Variants in SURF2 observed in about 807,000 individuals in gnomAD.
SURF2 encodes surfeit 2, also known as surfeit locus protein 2.
A neutral mutation model predicts 26.2 loss-of-function variants in SURF2; 32 were observed. That is an observed-to-expected ratio of 1.22 (90% CI 0.92 to 1.64). SURF2 has a LOEUF of 1.64. Ranked by LOEUF, SURF2 falls within the 40% of genes most tolerant of loss-of-function variation. The pLI is 0.00. For synonymous variants in SURF2, 173 were observed against 139.1 expected (o/e 1.24, Z -1.71); for missense variants, 415 against 341.6 (o/e 1.21, Z -1.69).
intron 2 of SURF2, 125 bp downstream of exon 2, chr9:133,357,193 G>A (rs1353967232): frequency 1.6e-6 from 2 of 1,254,532 alleles, no homozygotes; most frequent in Non-Finnish European, 2.1e-6. Flanking sequence ...GTGGGCGCCC[G>A]GGTGCTGGAA....
intron 1 of SURF2, 50 bp downstream of exon 1, chr9:133,356,720 A>G: frequency 8.7e-7 from 1 of 1,145,458 alleles, no homozygotes; most frequent in African/African-American, 1.6e-5. Flanking sequence ...CGCAGTTGGG[A>G]TGAGGGGCTG....
At chr9:133,357,656 A>G in intron 2 of SURF2, 55 bp from the exon 3 acceptor site, 2 of 1,549,126 alleles carry the variant, frequency 1.3e-6, no homozygotes, top group South Asian at 2.2e-5. Context: ...CACAGCCACC[A>G]GTCTGAATCC....
chr9:133,360,984 G>A lies in SURF2; in HGVS notation c.688-72G>A, dbSNP rs927527683. On this transcript the variant is annotated intron_variant, in intron 5 of 5. Transcript: ENST00000371964. Reference sequence around the variant, plus strand: ...CTCTGAGGCTGTGTGGGTGGGGAGAGCCCTGCACTCCAGGGCCCCTTCTCC... The same window carrying A: ...CTCTGAGGCTGTGTGGGTGGGGAGAACCCTGCACTCCAGGGCCCCTTCTCC... 61 of 1,511,346 alleles carry A rather than the reference G, an allele frequency of 4.0e-5. No individual in the cohort carries two copies. In the Middle Eastern group the frequency reaches 5.1e-4, roughly 13 times the overall value. 93.6% of individuals were successfully genotyped at this position (1,511,346 alleles called of 1,614,324 possible). A position where few individuals can be genotyped will look rare whatever the true frequency, so the allele number is the denominator to read the frequency against.
intron 1 of SURF2, 73 bp downstream of exon 1, chr9:133,356,743 G>A: frequency 6.9e-7 from 1 of 1,442,634 alleles, no homozygotes; most frequent in South Asian, 1.4e-5. Flanking sequence ...GGGAGGGCAG[G>A]GGAGAGGAGA....
At position 133,356,588 on chromosome 9, in the gene SURF2, C is replaced by G. The variant is rs1299337124; in HGVS notation, c.-5C>G. The G allele has an allele frequency of 1.3e-6, 2 of 1,518,572 alleles. No individual in the cohort carries two copies. The highest frequency in any genetic ancestry group is 8.8e-7 in the Non-Finnish European group (1 of 1,140,550). The allele number at this position is 1,518,572 out of a possible 1,614,324, so 94.1% of individuals were successfully genotyped here. ...CCGCCGGGCTGCTCCGCGGGCGCGT[C>G]GGCCATGAGCGAGTTGCCGGGCGAC... On this transcript the variant is annotated 5_prime_UTR_variant, in exon 1 of 6. Transcript: ENST00000371964.
chr9:133,357,451 G>A (rs1219016891), intron 2 of SURF2, among the ~76,000 whole-genome samples: 1 of 152,170 alleles, frequency 6.6e-6, no homozygotes, highest in Non-Finnish European at 1.5e-5. Context: ...TCCAGGTGGA[G>A]CCATCCTCTT....
At chr9:133,358,175 A>T (rs115778290) in intron 3 of SURF2, among the ~76,000 whole-genome samples, 1 of 152,226 alleles carries the variant, frequency 6.6e-6, no homozygotes, top group African/African-American at 2.4e-5. Context: ...GGTCGGGGGA[A>T]CAGCACCCCA....
At position 133,356,991 on chromosome 9, in the gene SURF2, C is replaced by G; in HGVS notation, c.156C>G (p.Tyr52Ter). The G allele has an allele frequency of 1.3e-6, 2 of 1,572,006 alleles. No individual in the cohort carries two copies. Among genetic ancestry groups the G allele is most frequent in the South Asian group, 2.3e-5 (2 of 85,776 alleles). Residue 52 changes from tyrosine (Y) to a stop codon, truncating the protein, a stop_gained, in exon 2 of 6, where the codon TAC (tyrosine) becomes TAG (stop). Coordinates refer to ENST00000371964, the MANE Select transcript of SURF2 (RefSeq NM_017503.5). LOFTEE classifies it high-confidence loss of function. ...ELQVYTRGKK[Y>*]QRLVRASPAF... ...AGGTCTACACCCGCGGCAAAAAGTA[C>G]CAGCGGCTGGTCCGCGCCTCCCCGG... is the stretch of plus-strand genomic sequence containing the variant.
chr9:133,356,755 G>GGCAGGGGAGAGGGGAGAGGGGAGA, intron 1 of SURF2, 85 bp downstream of exon 1: 2 of 1,416,758 alleles, frequency 1.4e-6, no homozygotes, highest in East Asian at 2.7e-5. Context: ...GAGAGGAGAG[G>GGCAGGGGAGAGGGGAGAGGGGAGA]GCAGGGGAGA....
At chr9:133,360,778 C>A (rs2130054289) in intron 5 of SURF2, among the ~76,000 whole-genome samples, 1 of 152,240 alleles carries the variant, frequency 6.6e-6, no homozygotes, top group African/African-American at 2.4e-5. Context: ...GCCATCAGGG[C>A]AGGAGTGGAG....
Position 133,359,517 on chromosome 9 carries a change from C to T in SURF2, c.338-433C>T, listed in dbSNP as rs2130042497. ...GCAAAGGCCAGGCAGCCAACCTCCA[C>T]TGAGCCCCGCCCTCCGGGACGGGGT... On this transcript the variant is annotated intron_variant, in intron 3 of 5. Coordinates refer to ENST00000371964, the MANE Select transcript of SURF2 (RefSeq NM_017503.5). Among the ~76,000 whole-genome samples, 94 of 152,372 alleles carry T rather than the reference C, an allele frequency of 6.2e-4. 1 individual carries two copies. In the East Asian group the frequency reaches 0.015, roughly 25 times the overall value.
At chr9:133,358,187 G>C (rs2130038880) in intron 3 of SURF2, among the ~76,000 whole-genome samples, 1 of 152,278 alleles carries the variant, frequency 6.6e-6, no homozygotes, top group South Asian at 2.1e-4. Flanking sequence ...AGCACCCCAG[G>C]GAGAAGCCAG....
In SURF2 at chr9:133,356,578, G is replaced by C; in HGVS notation, c.-15G>C. 6.6e-7 allele frequency: 1 copy of C among 1,516,184 alleles called. No homozygotes were observed. Among genetic ancestry groups the C allele is most frequent in the Admixed American group, 2.0e-5 (1 of 49,572 alleles). The allele number at this position is 1,516,184 out of a possible 1,614,324, so 93.9% of individuals were successfully genotyped here. ...CGAGCGGCTTCCGCCGGGCTGCTCC[G>C]CGGGCGCGTCGGCCATGAGCGAGTT... is the stretch of plus-strand genomic sequence containing the variant. On this transcript the variant is annotated 5_prime_UTR_variant, in exon 1 of 6. Coordinates refer to ENST00000371964, the MANE Select transcript of SURF2 (RefSeq NM_017503.5).
At position 133,359,931 on chromosome 9, in the gene SURF2, G is replaced by T; in HGVS notation, c.338-19G>T. 2 of 1,595,538 alleles carry T rather than the reference G, an allele frequency of 1.3e-6. No individual in the cohort carries two copies. Among genetic ancestry groups the T allele is most frequent in the Non-Finnish European group, 1.7e-6 (2 of 1,169,532 alleles). ...TGGGGGGTGTGGAGGTACCCAGCAC[G>T]TGCTGGCTTATCTCCCAGATGAAGA... On this transcript the variant is annotated intron_variant, in intron 3 of 5. Transcript: ENST00000371964.
intron 3 of SURF2, among the ~76,000 whole-genome samples, chr9:133,358,617 G>A (rs1388784023): frequency 6.6e-6 from 1 of 152,138 alleles, no homozygotes; most frequent in Non-Finnish European, 1.5e-5. Context: ...GAGGCTGGAA[G>A]TCCTCCCGTG....
At position 133,361,080 on chromosome 9, in the gene SURF2, A is replaced by T. The variant is rs2130057229; in HGVS notation, c.712A>T (p.Lys238Ter). 5 of 1,614,180 alleles carry T rather than the reference A, an allele frequency of 3.1e-6. No homozygotes were observed. Among genetic ancestry groups the T allele is most frequent in the East Asian group, 2.2e-5 (1 of 44,886 alleles). The change falls in exon 6 of 6, where the codon AAG becomes TAG. Residue 238 changes from lysine (K) to a stop codon, truncating the protein, a stop_gained. Coordinates refer to ENST00000371964, the MANE Select transcript of SURF2 (RefSeq NM_017503.5). LOFTEE classifies it high-confidence loss of function. ...GKKQLGSLKKKFKSHHRKPKS... is the reference protein window; with the variant it reads ...GKKQLGSLKK ...GAAGCAGTTGGGCTCGTTGAAAAAG[A>T]AGTTCAAGAGTCATCACCGCAAACC...
chr9:133,359,843 G>A (rs2130044096), intron 3 of SURF2, 107 bp from the exon 4 acceptor site: 11 of 1,320,176 alleles, frequency 8.3e-6, no homozygotes, highest in Non-Finnish European at 8.2e-6. Flanking sequence ...TGTCCAGGGC[G>A]GTGGGGCTGT....
At chr9:133,360,907 G>A (rs1355165480) in intron 5 of SURF2, 149 bp from the exon 6 acceptor site, 3 of 779,988 alleles carry the variant, frequency 3.8e-6, no homozygotes, top group Non-Finnish European at 6.5e-6. Flanking sequence ...TAATCCTGCA[G>A]CTGTTAAGGA....
At chr9:133,360,667 G>A (rs1397559255) in intron 5 of SURF2, among the ~76,000 whole-genome samples, 1 of 152,234 alleles carries the variant, frequency 6.6e-6, no homozygotes, top group African/African-American at 2.4e-5. Flanking sequence ...CAAGACCACT[G>A]GTTTGTGAGG....
Sources: gnomAD v4.1 joint callset for allele counts (sites outside exome capture counted in the v4.1 genomes callset) on GRCh38, gnomAD v4.1.1 for gene constraint, MANE v1.5 for transcripts, NCBI Gene and HGNC (gene_info 2026-07-23, HGNC 2026-07-21) for gene names.